Variants in CACNA1E observed in about 807,000 individuals in gnomAD.
CACNA1E encodes the protein calcium voltage-gated channel subunit alpha1 E.
A neutral mutation model predicts 259.2 loss-of-function variants in CACNA1E; 40 were observed. The observed-to-expected ratio is 0.15, with a 90% CI of 0.12 to 0.20. CACNA1E has a LOEUF of 0.20. Ranked by LOEUF, CACNA1E falls within the 10% of genes least tolerant of loss-of-function variation. The pLI is 1.00. For missense variants in CACNA1E, 1,874 were observed against 3,040.1 expected (o/e 0.62, Z 9.02); for synonymous variants, 1,104 against 1,138.5 (o/e 0.97, Z 0.61).
At chr1:181,596,696 C>G (rs922917201) in intron 6 of CACNA1E, among the ~76,000 whole-genome samples, 9 of 151,998 alleles carry the variant, frequency 5.9e-5, no homozygotes, top group African/African-American at 2.2e-4. Flanking sequence ...CTCTTTTGTA[C>G]AGACTTGATA....
chr1:181,718,430 C>A (rs190236511), intron 12 of CACNA1E, among the ~76,000 whole-genome samples: 1 of 151,958 alleles, frequency 6.6e-6, no homozygotes, highest in East Asian at 1.9e-4. Flanking sequence ...GTGTATAGCT[C>A]CGTGAGAGTT....
chr1:181,408,612 CTG>C (rs1657629256), intron 1 of CACNA1E, among the ~76,000 whole-genome samples: 1 of 152,026 alleles, frequency 6.6e-6, no homozygotes, highest in African/African-American at 2.4e-5. Context: ...TGCCATTCCA[CTG>C]TGCCCTGACA....
At chr1:181,770,697 T>G (rs773719432) in intron 35 of CACNA1E, among the ~76,000 whole-genome samples, 1 of 152,226 alleles carries the variant, frequency 6.6e-6, no homozygotes, top group Non-Finnish European at 1.5e-5. Flanking sequence ...GATATATGTG[T>G]GTTCAATCTC....
chr1:181,650,172 A>C (rs1230741332), intron 6 of CACNA1E, among the ~76,000 whole-genome samples: 1 of 152,228 alleles, frequency 6.6e-6, no homozygotes, highest in Non-Finnish European at 1.5e-5. Context: ...GCATGGGGAC[A>C]ATGAATCAAA....
chr1:181,568,708 C>T (rs921105974), intron 3 of CACNA1E, among the ~76,000 whole-genome samples: 3 of 152,162 alleles, frequency 2.0e-5, no homozygotes, highest in South Asian at 2.1e-4. Context: ...ATTCTCCCAC[C>T]TCAGCCTCCC....
At chr1:181,321,859 A>G (rs980688853) in intron 1 of CACNA1E, among the ~76,000 whole-genome samples, 1 of 152,190 alleles carries the variant, frequency 6.6e-6, no homozygotes, top group Non-Finnish European at 1.5e-5. Flanking sequence ...TCGGTAACCT[A>G]GTTGGGCCTC....
rs371259123 is a variant in CACNA1E at position 181,340,485 on chromosome 1, T to G, written c.-15+22362T>G. 2.0e-5 allele frequency among the ~76,000 whole-genome samples: 3 copies of G among 152,288 alleles called. No individual in the cohort carries two copies. The East Asian group carries it at 5.8e-4, about 29-fold the overall frequency. On this transcript the variant is annotated intron_variant, in intron 1 of 11. Coordinates refer to the CACNA1E transcript ENST00000524607. ...TACCTAGCTCCTCCACAAAATTTAT[T>G]GGTAATTTTTTTGAGAATAAATTTA...
At chr1:181,773,449 C>T (rs1208516684) in intron 37 of CACNA1E, among the ~76,000 whole-genome samples, 1 of 152,114 alleles carries the variant, frequency 6.6e-6, no homozygotes, top group African/African-American at 2.4e-5. Context: ...TAATACACTT[C>T]CTTCTTATGT....
chr1:181,534,452 A>G (rs1374530755), intron 3 of CACNA1E, among the ~76,000 whole-genome samples: 2 of 152,174 alleles, frequency 1.3e-5, no homozygotes, highest in Non-Finnish European at 2.9e-5. Context: ...CCTATGGAAC[A>G]GAAACATATA....
At chr1:181,464,622 A>T in intron 2 of CACNA1E, among the ~76,000 whole-genome samples, 1 of 144,816 alleles carries the variant, frequency 6.9e-6, no homozygotes, top group Admixed American at 6.9e-5. Flanking sequence ...TTTTGTAGGC[A>T]ACTCTTATAT....
At chr1:181,469,935 T>C (rs1662383984) in intron 2 of CACNA1E, among the ~76,000 whole-genome samples, 1 of 152,138 alleles carries the variant, frequency 6.6e-6, no homozygotes, top group Non-Finnish European at 1.5e-5. Context: ...TATCATGTTA[T>C]CACTTCTTAG....
intron 1 of CACNA1E, among the ~76,000 whole-genome samples, chr1:181,356,451 T>C (rs1199640774): frequency 6.6e-6 from 1 of 152,154 alleles, no homozygotes; most frequent in East Asian, 1.9e-4. Flanking sequence ...TTCCCCTAGT[T>C]TAATATAAGA....
intron 27 of CACNA1E, among the ~76,000 whole-genome samples, chr1:181,754,674 C>A (rs1572805563): frequency 6.6e-6 from 1 of 152,306 alleles, no homozygotes; most frequent in East Asian, 1.9e-4. Context: ...CACTAGAGAA[C>A]ATTTACATGA....
intron 35 of CACNA1E, among the ~76,000 whole-genome samples, chr1:181,769,016 A>C (rs1016019814): frequency 1.3e-5 from 2 of 152,228 alleles, no homozygotes; most frequent in Admixed American, 1.3e-4. Context: ...GAAGTTCGAA[A>C]GGAGGAGTAA....
intron 13 of CACNA1E, 56 bp downstream of exon 13, chr1:181,719,919 C>A: frequency 9.7e-7 from 1 of 1,025,844 alleles, no homozygotes; most frequent in South Asian, 1.5e-5. Context: ...AACCTTTTTT[C>A]TGCCTTATAT....
intron 1 of CACNA1E, among the ~76,000 whole-genome samples, chr1:181,403,774 C>A (rs1231892717): frequency 6.6e-6 from 1 of 152,160 alleles, no homozygotes; most frequent in Non-Finnish European, 1.5e-5. Context: ...CCAGTAGGAG[C>A]TGTATTGGCT....
At chr1:181,607,939 A>C (rs934390164) in intron 6 of CACNA1E, among the ~76,000 whole-genome samples, 1 of 152,170 alleles carries the variant, frequency 6.6e-6, no homozygotes, top group Non-Finnish European at 1.5e-5. Flanking sequence ...GGGACTGAGA[A>C]GCCATACTTA....
chr1:181,481,226 T>C (rs1164516489), upstream of CACNA1E, among the ~76,000 whole-genome samples: 2 of 152,138 alleles, frequency 1.3e-5, no homozygotes, highest in Admixed American at 1.3e-4. Context: ...TGAATAGTAA[T>C]TTCACCTGAA....
chr1:181,432,245 C>T (rs917341645), intron 2 of CACNA1E, among the ~76,000 whole-genome samples: 3 of 152,100 alleles, frequency 2.0e-5, no homozygotes, highest in Non-Finnish European at 4.4e-5. Context: ...AGAGACCTTC[C>T]TGAAGCCAAG....
Sources: allele counts gnomAD v4.1 joint callset (sites outside exome capture counted in the v4.1 genomes callset), GRCh38; gene constraint gnomAD v4.1.1; transcripts MANE v1.5; gene names NCBI Gene and HGNC (gene_info 2026-07-23, HGNC 2026-07-21).